Variants in NDST4 observed in about 807,000 individuals in gnomAD.
The protein encoded by NDST4 is N-heparan sulfate sulfotransferase 4.
NDST4 carries 63 observed loss-of-function variants against 100.8 expected under a neutral mutation model. The ratio of observed to expected loss-of-function variants is 0.62; its 90% CI spans 0.51 to 0.77. The LOEUF (loss-of-function observed/expected upper bound fraction) is 0.77. Ranked by LOEUF, NDST4 falls within the 30% of genes least tolerant of loss-of-function variation. NDST4 has a pLI of 0.00. For synonymous variants in NDST4, 377 were observed against 361.8 expected, an observed-to-expected ratio of 1.04 and a Z score of -0.48; for missense variants, 943 against 1,018.4, an observed-to-expected ratio of 0.93 and a Z score of 1.01.
intron 2 of NDST4, among the ~76,000 whole-genome samples, chr4:115,057,727 CACACACAG>C (rs202234189): frequency 6.0e-5 from 5 of 83,236 alleles, no homozygotes; most frequent in African/African-American, 3.7e-4. Context: ...CACACACACA[CACACACAG>C]ACACACACAC....
intron 1 of NDST4, among the ~76,000 whole-genome samples, chr4:115,093,302 C>T (rs1342869267): frequency 2.6e-5 from 4 of 151,864 alleles, no homozygotes; most frequent in East Asian, 3.9e-4. Flanking sequence ...GGTGAAACCC[C>T]ATCTCTACTA....
At chr4:114,856,083 AAC>A (rs1723787636) in intron 7 of NDST4, among the ~76,000 whole-genome samples, 1 of 150,386 alleles carries the variant, frequency 6.6e-6, no homozygotes, top group Non-Finnish European at 1.5e-5. Flanking sequence ...TTTTTTTTTC[AAC>A]ACAGTCTCGC....
intron 6 of NDST4, among the ~76,000 whole-genome samples, chr4:114,881,821 A>T (rs1724376152): frequency 6.6e-6 from 1 of 152,162 alleles, no homozygotes. Flanking sequence ...TCTAAAATAG[A>T]TTTTTATAAT....
intron 6 of NDST4, among the ~76,000 whole-genome samples, chr4:114,934,308 T>C (rs1725577846): frequency 6.6e-6 from 1 of 152,062 alleles, no homozygotes; most frequent in African/African-American, 2.4e-5. Flanking sequence ...AGTTGAACTC[T>C]TGGGAGGCCG....
intron 5 of NDST4, 121 bp from the exon 6 acceptor site, chr4:114,935,455 C>A: frequency 1.1e-6 from 1 of 883,078 alleles, no homozygotes; most frequent in Non-Finnish European, 1.6e-6. Context: ...GTTGCTAAGG[C>A]CAAATCTTAT....
At chr4:115,070,966 G>A (rs1424574116) in intron 2 of NDST4, among the ~76,000 whole-genome samples, 3 of 151,838 alleles carry the variant, frequency 2.0e-5, no homozygotes, top group Non-Finnish European at 2.9e-5. Flanking sequence ...TTAGCCAGGC[G>A]TGGTGGTGTG....
intron 8 of NDST4, among the ~76,000 whole-genome samples, chr4:114,848,836 C>T (rs1305070094): frequency 1.3e-5 from 2 of 152,260 alleles, no homozygotes; most frequent in East Asian, 3.9e-4. Context: ...ACATTTGCTG[C>T]CCTCAATGAA....
intron 7 of NDST4, among the ~76,000 whole-genome samples, chr4:114,861,281 T>A (rs1723912450): frequency 1.3e-5 from 2 of 152,208 alleles, no homozygotes; most frequent in South Asian, 4.1e-4. Flanking sequence ...TAAGCAATTT[T>A]CCTAAATTAT....
intron 2 of NDST4, among the ~76,000 whole-genome samples, chr4:115,015,606 T>C (rs928190297): frequency 6.6e-6 from 1 of 152,034 alleles, no homozygotes; most frequent in African/African-American, 2.4e-5. Context: ...TATATGAACA[T>C]ATTTGTATTC....
chr4:114,985,916 T>C (rs1242005608), intron 2 of NDST4, among the ~76,000 whole-genome samples: 1 of 152,008 alleles, frequency 6.6e-6, no homozygotes, highest in Non-Finnish European at 1.5e-5. Context: ...CTCCAAACAA[T>C]GGGGCCAGTG....
intron 1 of NDST4, among the ~76,000 whole-genome samples, chr4:115,082,305 T>C (rs546056583): frequency 3.9e-5 from 6 of 152,326 alleles, no homozygotes; most frequent in South Asian, 2.1e-4. Flanking sequence ...TTTCAAAATG[T>C]GTTTAGAGAT....
At chr4:114,905,250 A>T (rs995020301) in intron 6 of NDST4, among the ~76,000 whole-genome samples, 2 of 130,710 alleles carry the variant, frequency 1.5e-5, no homozygotes, top group Non-Finnish European at 3.0e-5. Context: ...GTTCATTGCT[A>T]ATTGGTGGAA....
intron 12 of NDST4, 109 bp downstream of exon 12, chr4:114,833,497 T>C: frequency 1.4e-6 from 1 of 699,546 alleles, no homozygotes; most frequent in Non-Finnish European, 2.5e-6. Context: ...GTAGGTAGCA[T>C]AGGATGTATA....
At chr4:115,100,895 C>T (rs1729717157) in intron 1 of NDST4, among the ~76,000 whole-genome samples, 1 of 151,558 alleles carries the variant, frequency 6.6e-6, no homozygotes, top group South Asian at 2.1e-4. Context: ...AGCAAGATGC[C>T]CTTATCTTTA....
intron 6 of NDST4, among the ~76,000 whole-genome samples, chr4:114,881,584 A>C (rs1002759604): frequency 2.6e-5 from 4 of 151,996 alleles, no homozygotes; most frequent in African/African-American, 4.8e-5. Context: ...AGCCCATATA[A>C]ATTTATACAG....
intron 6 of NDST4, among the ~76,000 whole-genome samples, chr4:114,906,779 G>C (rs1724958991): frequency 6.6e-6 from 1 of 151,862 alleles, no homozygotes; most frequent in Admixed American, 6.6e-5. Flanking sequence ...GTAGACAAAA[G>C]CCATGCCTCC....
intron 1 of NDST4, among the ~76,000 whole-genome samples, chr4:115,100,864 T>G (rs2126298051): frequency 6.6e-6 from 1 of 151,948 alleles, no homozygotes; most frequent in African/African-American, 2.4e-5. Context: ...ATTGTACTGA[T>G]AATTAACCTC....
intron 6 of NDST4, among the ~76,000 whole-genome samples, chr4:114,898,705 C>T (rs1466976738): frequency 6.6e-6 from 1 of 151,868 alleles, no homozygotes; most frequent in Non-Finnish European, 1.5e-5. Context: ...TATTCTTTGA[C>T]TTATTTTATC....
At chr4:114,951,044 A>G (rs1002260006) in intron 4 of NDST4, among the ~76,000 whole-genome samples, 38 of 152,150 alleles carry the variant, frequency 2.5e-4, no homozygotes, top group African/African-American at 8.7e-4. Flanking sequence ...AAAGAAAAGA[A>G]GGGGAGAAGG....
Sources: allele counts gnomAD v4.1 joint callset (sites outside exome capture counted in the v4.1 genomes callset), GRCh38; gene constraint gnomAD v4.1.1; transcripts MANE v1.5; gene names NCBI Gene and HGNC (gene_info 2026-07-23, HGNC 2026-07-21).